Variants in LRRC20 observed in about 807,000 individuals in gnomAD.
LRRC20 encodes the protein leucine-rich repeat-containing protein 20.
Under a neutral mutation model 14.4 loss-of-function variants are expected in LRRC20, and 11 were observed. The ratio of observed to expected loss-of-function variants is 0.77; its 90% confidence interval spans 0.48 to 1.27. LRRC20 has a LOEUF of 1.27. Ranked by LOEUF, LRRC20 falls within the 50% of genes most tolerant of loss-of-function variation. LRRC20 has a pLI of 0.00. For missense variants in LRRC20, 219 were observed against 251.2 expected (o/e 0.87, Z 0.87); for synonymous variants, 121 against 107.3 (o/e 1.13, Z -0.79).
intron 3 of LRRC20, among the ~76,000 whole-genome samples, chr10:70,339,374 G>T (rs1589086945): frequency 6.6e-6 from 1 of 152,328 alleles, no homozygotes; most frequent in East Asian, 1.9e-4. Context: ...GTGCAAGGGA[G>T]AGACAGGTGT....
intron 2 of LRRC20, among the ~76,000 whole-genome samples, chr10:70,346,409 C>T (rs1024709571): frequency 6.6e-6 from 1 of 152,160 alleles, no homozygotes; most frequent in Non-Finnish European, 1.5e-5. Context: ...AAGACCCTAT[C>T]TCTAATAAAA....
chr10:70,348,638 GC>G (rs1448502832), intron 2 of LRRC20, among the ~76,000 whole-genome samples: 1 of 152,156 alleles, frequency 6.6e-6, no homozygotes, highest in Non-Finnish European at 1.5e-5. Context: ...CCACTCTACT[GC>G]CCCCTTGAGT....
chr10:70,323,901 G>T lies in LRRC20; in HGVS notation c.362C>A (p.Ala121Glu), dbSNP rs577057906. The T allele has an allele frequency of 1.2e-6, 2 of 1,614,204 alleles. No homozygotes were observed. Among genetic ancestry groups the T allele is most frequent in the East Asian group, 2.2e-5 (1 of 44,868 alleles). ...DFPEQLTALP[A>E]LETINLEENE... ...CTCCTCCAGGTTGATGGTCTCCAGC[G>T]CCGGCAGGGCGGTAAGCTGCTCAGG... Residue 121 changes from alanine to glutamate, a missense_variant, in exon 4 of 5, where the codon GCG (alanine) becomes GAG (glutamate). Coordinates refer to ENST00000446961, the MANE Select transcript of LRRC20 (RefSeq NM_001278212.2).
intron 2 of LRRC20, among the ~76,000 whole-genome samples, chr10:70,354,705 G>A (rs755940271): frequency 1.2e-4 from 19 of 152,156 alleles, no homozygotes; most frequent in Admixed American, 2.6e-4. Flanking sequence ...AGGTTTACAC[G>A]CTCATGGAAA....
intron 4 of LRRC20, among the ~76,000 whole-genome samples, chr10:70,308,716 C>T (rs1841523931): frequency 6.6e-6 from 1 of 152,100 alleles, no homozygotes; most frequent in South Asian, 2.1e-4. Flanking sequence ...GAGTCCATGG[C>T]AAATGGAGGC....
intron 3 of LRRC20, among the ~76,000 whole-genome samples, chr10:70,336,560 C>A (rs377290742): frequency 2.0e-5 from 3 of 152,350 alleles, no homozygotes; most frequent in Admixed American, 6.5e-5. Context: ...TAAGGACCAA[C>A]AAAAGAAAGC....
intron 4 of LRRC20, among the ~76,000 whole-genome samples, chr10:70,318,123 C>T (rs1012830347): frequency 4.6e-5 from 7 of 152,202 alleles, no homozygotes; most frequent in African/African-American, 9.7e-5. Flanking sequence ...AACAGCCTTC[C>T]GGAATGCCCA....
chr10:70,374,260 C>T (rs1414501212), intron 2 of LRRC20, among the ~76,000 whole-genome samples: 1 of 152,114 alleles, frequency 6.6e-6, no homozygotes, highest in East Asian at 1.9e-4. Flanking sequence ...CCCAACGCCC[C>T]GGTGAGAATT....
At chr10:70,313,487 T>G (rs1299355585) in intron 4 of LRRC20, among the ~76,000 whole-genome samples, 1 of 152,132 alleles carries the variant, frequency 6.6e-6, no homozygotes, top group Admixed American at 6.6e-5. Context: ...TGGATAAAAC[T>G]GCCTCTGCAA....
intron 4 of LRRC20, among the ~76,000 whole-genome samples, chr10:70,312,533 G>C (rs1841709049): frequency 6.6e-6 from 1 of 152,210 alleles, no homozygotes; most frequent in African/African-American, 2.4e-5. Context: ...AGCCCTCAGA[G>C]AGCCAGGAGC....
chr10:70,356,327 C>T (rs964362622), intron 2 of LRRC20, among the ~76,000 whole-genome samples: 4 of 151,882 alleles, frequency 2.6e-5, no homozygotes, highest in Non-Finnish European at 5.9e-5. Flanking sequence ...TCCTGGGCAA[C>T]ACAGTAAAAC....
chr10:70,336,465 C>A (rs1375621132), intron 3 of LRRC20, among the ~76,000 whole-genome samples: 1 of 152,188 alleles, frequency 6.6e-6, no homozygotes, highest in African/African-American at 2.4e-5. Context: ...GGAAGCTAAA[C>A]AACAATCCCT....
chr10:70,358,287 G>A (rs138993171), intron 2 of LRRC20, among the ~76,000 whole-genome samples: 257 of 152,232 alleles, frequency 1.7e-3, no homozygotes, highest in African/African-American at 4.8e-3. Flanking sequence ...GCCAAACAAC[G>A]CAATCCACTT....
At chr10:70,328,899 CAG>C (rs1197006116) in intron 3 of LRRC20, among the ~76,000 whole-genome samples, 4 of 152,204 alleles carry the variant, frequency 2.6e-5, no homozygotes, top group African/African-American at 9.6e-5. Flanking sequence ...GCCTGGGCAA[CAG>C]AGTGAGAGCG....
chr10:70,313,254 G>A (rs1012902963), intron 4 of LRRC20, among the ~76,000 whole-genome samples: 1 of 152,204 alleles, frequency 6.6e-6, no homozygotes, highest in African/African-American at 2.4e-5. Flanking sequence ...CCACTGGAAG[G>A]CCTATGCCTT....
chr10:70,339,604 C>G (rs1842837713), intron 3 of LRRC20, among the ~76,000 whole-genome samples: 1 of 152,126 alleles, frequency 6.6e-6, no homozygotes, highest in African/African-American at 2.4e-5. Context: ...GGCGCCCATG[C>G]CACAGCTCTG....
chr10:70,309,198 C>G (rs943038631), intron 4 of LRRC20, among the ~76,000 whole-genome samples: 6 of 152,144 alleles, frequency 3.9e-5, no homozygotes, highest in Non-Finnish European at 7.3e-5. Context: ...TTTCATGGGG[C>G]ATCAAACTCC....
intron 3 of LRRC20, 92 bp from the exon 4 acceptor site, chr10:70,324,122 G>T: frequency 8.4e-7 from 1 of 1,196,860 alleles, no homozygotes; most frequent in Non-Finnish European, 1.2e-6. Flanking sequence ...ACCCTGCCTG[G>T]GCCAGGAAGG....
At chr10:70,339,554 C>T (rs1419616104) in intron 3 of LRRC20, among the ~76,000 whole-genome samples, 1 of 152,100 alleles carries the variant, frequency 6.6e-6, no homozygotes, top group African/African-American at 2.4e-5. Context: ...CCTGTGCCCT[C>T]CGCAATTCTC....
Sources: allele counts gnomAD v4.1 joint callset (sites outside exome capture counted in the v4.1 genomes callset), GRCh38; gene constraint gnomAD v4.1.1; transcripts MANE v1.5; gene names NCBI Gene and HGNC (gene_info 2026-07-23, HGNC 2026-07-21).